VWF: variants seen among roughly 807,000 people sequenced by gnomAD.
VWF encodes von Willebrand factor.
In VWF, 176 loss-of-function variants were observed where a neutral mutation model predicts 308.6. That is an observed-to-expected ratio of 0.57 (90% CI 0.50 to 0.65). VWF has a LOEUF of 0.65. Ranked by LOEUF, VWF falls within the 30% of genes least tolerant of loss-of-function variation. VWF has a pLI of 0.00. For missense variants in VWF, 3,146 were observed against 3,648.2 expected (o/e 0.86, Z 3.55); for synonymous variants, 1,385 against 1,443.4 (o/e 0.96, Z 0.92).
At chr12:6,057,783 G>T in intron 14 of VWF, 66 bp downstream of exon 14, 1 of 1,514,614 alleles carries the variant, frequency 6.6e-7, no homozygotes, top group Non-Finnish European at 8.8e-7. Context: ...CCTCCGGAAC[G>T]CACTGCACTA....
At chr12:5,949,973 A>G in intron 50 of VWF, 90 bp from the exon 51 acceptor site, 1 of 1,198,866 alleles carries the variant, frequency 8.3e-7, no homozygotes, top group South Asian at 1.2e-5. Flanking sequence ...GGCTGGAAAT[A>G]GGTCCCTTTC....
intron 38 of VWF, among the ~76,000 whole-genome samples, chr12:5,989,990 A>G (rs1024399239): frequency 6.6e-6 from 1 of 152,218 alleles, no homozygotes; most frequent in African/African-American, 2.4e-5. Flanking sequence ...GGAGAGGAAT[A>G]TAAGGTTTTG....
intron 34 of VWF, among the ~76,000 whole-genome samples, chr12:6,002,060 C>T (rs1943878172): frequency 6.6e-6 from 1 of 151,918 alleles, no homozygotes; most frequent in Non-Finnish European, 1.5e-5. Flanking sequence ...ACATATCAGA[C>T]TCATTGGGAT....
chr12:5,998,707 A>C lies in VWF; in HGVS notation c.5843-2485T>G, dbSNP rs376193215. On this transcript the variant is annotated intron_variant, in intron 34 of 51. Transcript: ENST00000261405. ...TAAGTAGAAAACAAGAAAATACCCA[A>C]ATTTTATTTATTTTTATTTTTATTT... Among the ~76,000 whole-genome samples, 12 of 151,548 alleles carry C rather than the reference A, an allele frequency of 7.9e-5. No homozygotes were observed. In the East Asian group the frequency reaches 2.1e-3, roughly 27 times the overall value.
intron 34 of VWF, among the ~76,000 whole-genome samples, chr12:6,003,916 C>G (rs868106033): frequency 1.3e-5 from 2 of 150,144 alleles, no homozygotes; most frequent in Non-Finnish European, 3.0e-5. Context: ...CCCGGGTTCA[C>G]GCCATTCTCC....
At chr12:5,977,880 T>C (rs1483190261) in intron 42 of VWF, among the ~76,000 whole-genome samples, 2 of 147,924 alleles carry the variant, frequency 1.4e-5, no homozygotes, top group African/African-American at 4.9e-5. Context: ...TCTCTCTATA[T>C]ATATATATTA....
At chr12:6,029,200 G>C (rs1259753541) in intron 22 of VWF, 142 bp downstream of exon 22, 2 of 1,054,456 alleles carry the variant, frequency 1.9e-6, no homozygotes, top group Non-Finnish European at 2.9e-6. Flanking sequence ...TCAACAAGAA[G>C]AGCTAACTAT....
intron 34 of VWF, among the ~76,000 whole-genome samples, chr12:6,001,017 G>A (rs1194125247): frequency 6.6e-6 from 1 of 152,080 alleles, no homozygotes; most frequent in Non-Finnish European, 1.5e-5. Context: ...AATGGGAGGA[G>A]AGGGGAGGGA....
intron 5 of VWF, among the ~76,000 whole-genome samples, chr12:6,103,583 CAG>C (rs1945208962): frequency 7.5e-6 from 1 of 133,850 alleles, no homozygotes; most frequent in African/African-American, 2.9e-5. Flanking sequence ...CACACACACA[CAG>C]ATCAATGGAA....
At chr12:6,120,846 GT>G (rs1428304185) in intron 3 of VWF, among the ~76,000 whole-genome samples, 1 of 152,098 alleles carries the variant, frequency 6.6e-6, no homozygotes, top group Admixed American at 6.5e-5. Context: ...CTGGCAAGGA[GT>G]TTTACACGTT....
rs1945465343 is a variant in VWF at position 6,124,426 on chromosome 12, C to G, written c.-6G>C. The G allele has an allele frequency of 6.6e-6, 1 of 152,532 alleles. No individual in the cohort carries two copies. The highest frequency in any genetic ancestry group is 6.5e-5 in the Admixed American group (1 of 15,282). 9.4% of individuals were successfully genotyped at this position (152,532 alleles called of 1,614,324 possible). ...TCTCCTTCCAAAGGCCATACCTTCC[C>G]CTGCAAATGAGGGCTGCGGCTATCT... On this transcript the variant is annotated 5_prime_UTR_variant, in exon 1 of 52. Coordinates refer to ENST00000261405, the MANE Select transcript of VWF (RefSeq NM_000552.5).
intron 5 of VWF, among the ~76,000 whole-genome samples, chr12:6,106,368 T>C (rs954118930): frequency 2.0e-5 from 3 of 152,234 alleles, no homozygotes; most frequent in African/African-American, 7.2e-5. Context: ...ATTCCACTTA[T>C]ATGAGATACT....
chr12:5,983,006 G>T (rs1943625294), intron 41 of VWF, 144 bp downstream of exon 41: 2 of 819,988 alleles, frequency 2.4e-6, no homozygotes, highest in Non-Finnish European at 2.0e-6. Flanking sequence ...TAACCCCTCT[G>T]TTCCAGATGT....
intron 13 of VWF, among the ~76,000 whole-genome samples, chr12:6,059,465 T>C (rs1000237835): frequency 3.8e-4 from 58 of 152,362 alleles, no homozygotes; most frequent in African/African-American, 1.4e-3. Flanking sequence ...TACCACAGAC[T>C]GCGTGGCTTA....
At chr12:6,034,612 GA>G in intron 20 of VWF, 75 bp downstream of exon 20, 1 of 1,608,992 alleles carries the variant, frequency 6.2e-7, no homozygotes, top group Non-Finnish European at 8.5e-7. Context: ...CAGATCCACA[GA>G]ACCCAACCTG....
At chr12:5,983,067 G>A in intron 41 of VWF, 83 bp downstream of exon 41, 1 of 1,359,010 alleles carries the variant, frequency 7.4e-7, no homozygotes, top group Admixed American at 1.9e-5. Flanking sequence ...ACGTGATCTT[G>A]GAAGAGGTCC....
rs1306360954 is a variant in VWF at position 6,011,476 on chromosome 12, G to C, written c.5842+141C>G. On this transcript the variant is annotated intron_variant, in intron 34 of 51. Coordinates refer to ENST00000261405, the MANE Select transcript of VWF (RefSeq NM_000552.5). Reference sequence around the variant, plus strand: ...AAAGAGCACAGGAGGAAAGGAAGGTGAGTGAAGGTAGCACTGTGCATGTGG... The same window carrying C: ...AAAGAGCACAGGAGGAAAGGAAGGTCAGTGAAGGTAGCACTGTGCATGTGG... 3 of 675,292 alleles carry C rather than the reference G, an allele frequency of 4.4e-6. No individual in the cohort carries two copies. In the East Asian group the frequency reaches 8.2e-5, roughly 19 times the overall value. 41.8% of individuals were successfully genotyped at this position (675,292 alleles called of 1,614,324 possible).
intron 10 of VWF, 130 bp from the exon 11 acceptor site, chr12:6,065,403 G>A: frequency 1.7e-5 from 21 of 1,216,730 alleles, no homozygotes; most frequent in Non-Finnish European, 2.5e-5. Context: ...GCCCAAACCA[G>A]TCTAAAAACA....
At chr12:6,102,016 T>C (rs1039830493) in intron 5 of VWF, among the ~76,000 whole-genome samples, 1 of 152,162 alleles carries the variant, frequency 6.6e-6, no homozygotes, top group African/African-American at 2.4e-5. Flanking sequence ...GAATTTTCTC[T>C]CTTAAAACTA....
Sources: gnomAD v4.1 joint callset for allele counts (sites outside exome capture counted in the v4.1 genomes callset) on GRCh38, gnomAD v4.1.1 for gene constraint, MANE v1.5 for transcripts, NCBI Gene and HGNC (gene_info 2026-07-23, HGNC 2026-07-21) for gene names.